The following DIXDC1 variants were observed in gnomAD, a reference collection of about 807,000 sequenced individuals.
DIXDC1 encodes the protein dixin.
DIXDC1 carries 64 observed loss-of-function variants against 103.1 expected under a neutral mutation model. That is an observed-to-expected ratio of 0.62 (90% CI 0.51 to 0.76). The LOEUF (loss-of-function observed/expected upper bound fraction) is 0.76, where lower values mean the gene tolerates loss of function less well. Among genes scored for constraint, DIXDC1 ranks in the 30% least tolerant of loss-of-function variants. The probability of loss-of-function intolerance (pLI) is 0.00; values close to 1 mark genes in which losing one functional copy is unlikely to be tolerated. For synonymous variants in DIXDC1, 266 were observed against 298.5 expected, an observed-to-expected ratio of 0.89 and a Z score of 1.12; for missense variants, 759 against 834.2, an observed-to-expected ratio of 0.91 and a Z score of 1.11.
intron 1 of DIXDC1, among the ~76,000 whole-genome samples, chr11:111,945,290 A>T (rs951756761): frequency 1.3e-5 from 2 of 152,182 alleles, no homozygotes; most frequent in Non-Finnish European, 2.9e-5. Context: ...TTTGAGAGAG[A>T]TGAGGGAGGA....
At chr11:111,991,694 G>A (rs1417391706) in intron 10 of DIXDC1, among the ~76,000 whole-genome samples, 2 of 152,196 alleles carry the variant, frequency 1.3e-5, no homozygotes, top group Non-Finnish European at 2.9e-5. Flanking sequence ...TCAAGCTGAG[G>A]GAAAGAAAGC....
At chr11:111,936,166 G>A (rs1263512316), upstream of DIXDC1, among the ~76,000 whole-genome samples, 1 of 152,186 alleles carries the variant, frequency 6.6e-6, no homozygotes, top group Non-Finnish European at 1.5e-5. Context: ...GATTGGCTGC[G>A]TCCTTGGACA....
intron 7 of DIXDC1, among the ~76,000 whole-genome samples, chr11:111,983,076 A>G (rs1860371216): frequency 6.6e-6 from 1 of 152,180 alleles, no homozygotes; most frequent in Admixed American, 6.5e-5. Flanking sequence ...CCCACTTGAC[A>G]TAGTTCCCAC....
upstream of DIXDC1, among the ~76,000 whole-genome samples, chr11:111,932,491 C>G (rs1370164004): frequency 6.6e-6 from 1 of 150,666 alleles, no homozygotes; most frequent in Admixed American, 6.6e-5. Flanking sequence ...GAGGCTGAGG[C>G]AGGAGAATGG....
intron 10 of DIXDC1, among the ~76,000 whole-genome samples, chr11:111,991,210 T>C (rs1193584434): frequency 6.6e-6 from 1 of 152,208 alleles, no homozygotes; most frequent in Non-Finnish European, 1.5e-5. Flanking sequence ...TGTTCCACGG[T>C]CAGATAAGTT....
At chr11:111,936,744 T>A (rs1351654719), upstream of DIXDC1, among the ~76,000 whole-genome samples, 1 of 152,194 alleles carries the variant, frequency 6.6e-6, no homozygotes, top group Non-Finnish European at 1.5e-5. Flanking sequence ...AGGGCCCATG[T>A]GGAAAAAGGT....
In DIXDC1 at chr11:111,981,528, T is replaced by C. The variant is rs782489325; in HGVS notation, c.769+679T>C. On this transcript the variant is annotated intron_variant, in intron 6 of 19. Coordinates refer to ENST00000440460, the MANE Select transcript of DIXDC1 (RefSeq NM_001037954.4). ...GGCATTAGTACCAAAGAGTCAGTCA[T>C]GTTACTGAGTCAAAACTCCTGAGGC... Among the ~76,000 whole-genome samples the C allele has an allele frequency of 8.4e-4, 128 of 152,322 alleles. 1 individual carries two copies. The highest frequency in any genetic ancestry group is 1.5e-3 in the Non-Finnish European group (102 of 68,026).
intron 1 of DIXDC1, among the ~76,000 whole-genome samples, chr11:111,952,174 C>G (rs1555170060): frequency 2.0e-5 from 3 of 152,092 alleles, no homozygotes; most frequent in African/African-American, 7.2e-5. Context: ...CTTAAAATCT[C>G]TTTTTCTTCC....
At chr11:111,984,593 G>T (rs1376690812) in intron 7 of DIXDC1, among the ~76,000 whole-genome samples, 1 of 152,160 alleles carries the variant, frequency 6.6e-6, no homozygotes, top group Non-Finnish European at 1.5e-5. Context: ...GAGAGGCAAT[G>T]CATGCGGGGG....
chr11:111,977,914 G>A lies in DIXDC1; in HGVS notation c.657-2823G>A, dbSNP rs1344681508. 10 of 1,358,980 alleles carry A rather than the reference G, an allele frequency of 7.4e-6. No individual in the cohort carries two copies. Among genetic ancestry groups the A allele is most frequent in the Non-Finnish European group, 2.9e-6 (3 of 1,022,956 alleles). The allele number at this position is 1,358,980 out of a possible 1,614,324, so 84.2% of individuals were successfully genotyped here. A position where few individuals can be genotyped will look rare whatever the true frequency, so the allele number is the denominator to read the frequency against. On this transcript the variant is annotated intron_variant, in intron 5 of 19. Transcript: ENST00000440460. This position sits in a 1 kb window ranked among gnomAD's most constrained non-coding sequence, Gnocchi z 6.1. ...GTGGGAGCATTATGTTGGGAGGACCGGCTGCTGACCAGGGGTTATCACTAT... is the reference window on the plus strand; with the variant it reads ...GTGGGAGCATTATGTTGGGAGGACCAGCTGCTGACCAGGGGTTATCACTAT...
chr11:111,990,333 C>T (rs1190110080), intron 10 of DIXDC1, among the ~76,000 whole-genome samples: 2 of 146,752 alleles, frequency 1.4e-5, no homozygotes, highest in Admixed American at 1.4e-4. Flanking sequence ...TCAGGTGATC[C>T]ACCTGCCTCG....
intron 5 of DIXDC1, among the ~76,000 whole-genome samples, chr11:111,980,067 C>T (rs369800299): frequency 5.1e-4 from 78 of 152,288 alleles, no homozygotes; most frequent in Admixed American, 1.2e-3. Context: ...ATCAAGTAAA[C>T]CCTTACTCCA....
chr11:111,927,807 G>C (rs1428542720), intron 1 of DIXDC1, among the ~76,000 whole-genome samples: 1 of 151,772 alleles, frequency 6.6e-6, no homozygotes, highest in Non-Finnish European at 1.5e-5. Context: ...ACTGAGGTCT[G>C]GAGTTCGAGA....
chr11:111,994,900 A>G, intron 14 of DIXDC1, 119 bp from the exon 15 acceptor site: 2 of 961,096 alleles, frequency 2.1e-6, no homozygotes, highest in South Asian at 1.6e-5. Flanking sequence ...AAAGAGAGCC[A>G]TTAAACAGAC....
At chr11:111,961,606 C>T (rs1344212390) in intron 1 of DIXDC1, among the ~76,000 whole-genome samples, 1 of 152,154 alleles carries the variant, frequency 6.6e-6, no homozygotes, top group Non-Finnish European at 1.5e-5. Flanking sequence ...GAGTAATGTG[C>T]ATGAAAAGTA....
At chr11:111,969,873 C>G (rs587738546) in intron 3 of DIXDC1, among the ~76,000 whole-genome samples, 1 of 152,192 alleles carries the variant, frequency 6.6e-6, no homozygotes, top group East Asian at 1.9e-4. Context: ...CCAGAGCAAT[C>G]AGGCAAGAGA....
Position 112,016,693 on chromosome 11 carries a change from T to C in DIXDC1, c.1759T>C (p.Leu587=), listed in dbSNP as rs924174156. ...YRESWPPNSK[L]PHSQSSPTVS... ...CCACAGTCTCTTTCTGATTGTAGAG[T>C]TGCCTCACTCACAGAGCTCTCCAAC... is the stretch of plus-strand genomic sequence containing the variant. The change falls in exon 18 of 20, where the codon TTG becomes CTG. Residue 587 remains leucine (L), a splice_region_variant and synonymous_variant. Transcript: ENST00000440460. 6.3e-7 allele frequency: 1 copy of C among 1,595,116 alleles called. No individual in the cohort carries two copies. Among genetic ancestry groups the C allele is most frequent in the Non-Finnish European group, 8.5e-7 (1 of 1,171,514 alleles).
chr11:111,980,613 G>C (rs1860263834), intron 5 of DIXDC1, 124 bp from the exon 6 acceptor site: 1 of 663,582 alleles, frequency 1.5e-6, no homozygotes, highest in African/African-American at 1.8e-5. Flanking sequence ...GCCAAGTACT[G>C]TGTTACCCAT....
chr11:111,959,557 G>A (rs1255570111), intron 1 of DIXDC1, among the ~76,000 whole-genome samples: 3 of 152,236 alleles, frequency 2.0e-5, no homozygotes, highest in East Asian at 1.9e-4. Context: ...TAGCAGGCAC[G>A]GGATCCAAGC....
Sources: gnomAD v4.1 joint callset for allele counts (sites outside exome capture counted in the v4.1 genomes callset) on GRCh38, gnomAD v4.1.1 for gene constraint, Gnocchi (gnomAD v3.1) non-coding constraint, MANE v1.5 for transcripts, NCBI Gene and HGNC (gene_info 2026-07-23, HGNC 2026-07-21) for gene names.